The following ATRNL1 variants were observed in gnomAD, a reference collection of about 807,000 sequenced individuals.
The protein encoded by ATRNL1 is attractin-like protein 1.
ATRNL1 carries 95 observed loss-of-function variants against 182.7 expected under a neutral mutation model. The observed-to-expected ratio is 0.52, with a 90% CI of 0.44 to 0.62. The LOEUF (loss-of-function observed/expected upper bound fraction) is 0.62. Among genes scored for constraint, ATRNL1 ranks in the 20% least tolerant of loss-of-function variants. ATRNL1 has a pLI of 0.00. For synonymous variants in ATRNL1, 576 were observed against 568.3 expected (o/e 1.01, Z -0.19); for missense variants, 1,471 against 1,679.5 (o/e 0.88, Z 2.17).
chr10:115,761,695 C>A (rs1481337174), intron 27 of ATRNL1, among the ~76,000 whole-genome samples: 3 of 152,126 alleles, frequency 2.0e-5, no homozygotes, highest in African/African-American at 7.2e-5. Context: ...TTAGAATAAA[C>A]TTTGGAGTCA....
chr10:115,400,303 C>T (rs1473619593), intron 20 of ATRNL1, among the ~76,000 whole-genome samples: 1 of 151,966 alleles, frequency 6.6e-6, no homozygotes, highest in African/African-American at 2.4e-5. Flanking sequence ...GTGCTGTGGT[C>T]CAAGAGACTG....
At chr10:115,214,850 G>C (rs1206680983) in intron 8 of ATRNL1, among the ~76,000 whole-genome samples, 1 of 152,118 alleles carries the variant, frequency 6.6e-6, no homozygotes, top group East Asian at 1.9e-4. Flanking sequence ...ACAGCAAGCA[G>C]AGTGGGATTT....
intron 26 of ATRNL1, among the ~76,000 whole-genome samples, chr10:115,638,570 T>G (rs1012022527): frequency 3.3e-5 from 5 of 152,208 alleles, no homozygotes; most frequent in Non-Finnish European, 7.3e-5. Context: ...TAGTGACTGC[T>G]AATGGGTATG....
At chr10:115,134,767 A>G (rs1845425711) in intron 5 of ATRNL1, among the ~76,000 whole-genome samples, 1 of 152,224 alleles carries the variant, frequency 6.6e-6, no homozygotes, top group South Asian at 2.1e-4. Flanking sequence ...TCTGATGAAC[A>G]TCAATGCAAA....
At chr10:115,930,951 A>G (rs565646029) in intron 28 of ATRNL1, among the ~76,000 whole-genome samples, 62 of 152,344 alleles carry the variant, frequency 4.1e-4, no homozygotes, top group Non-Finnish European at 6.8e-4. Flanking sequence ...AAAGTGAAAT[A>G]GGGAAATAGG....
chr10:115,383,132 C>G (rs1319784545), intron 19 of ATRNL1, among the ~76,000 whole-genome samples: 2 of 138,186 alleles, frequency 1.4e-5, no homozygotes, highest in African/African-American at 5.2e-5. Context: ...TTTTTTCTCT[C>G]TCTACTGGTC....
chr10:115,529,328 CAT>C lies in ATRNL1; in HGVS notation c.3716+10007_3716+10008del, dbSNP rs377539863. On this transcript the variant is annotated intron_variant, in intron 25 of 28. Transcript: ENST00000355044. ...ATTAGAATTTGTCTATGTCTTTTTG[CAT>C]ATCTTTTAAAATTTTTTCTCTTGTT... Among the ~76,000 whole-genome samples the C allele has an allele frequency of 4.8e-3, 728 of 151,664 alleles. 7 individuals are homozygous for C. Among genetic ancestry groups the C allele is most frequent in the African/African-American group, 0.017 (693 of 41,452 alleles).
At chr10:115,650,911 T>C (rs1555034150) in intron 26 of ATRNL1, among the ~76,000 whole-genome samples, 1 of 152,134 alleles carries the variant, frequency 6.6e-6, no homozygotes, top group Non-Finnish European at 1.5e-5. Context: ...AGGAGGCTTT[T>C]TGTACCGATC....
Position 115,552,116 on chromosome 10 carries a change from C to T in ATRNL1, c.3795+2580C>T, listed in dbSNP as rs369222114. 2.6e-4 allele frequency among the ~76,000 whole-genome samples: 39 copies of T among 151,348 alleles called. 1 individual carries two copies. In the South Asian group the frequency reaches 7.9e-3, roughly 31 times the overall value. On this transcript the variant is annotated intron_variant, in intron 26 of 28. Coordinates refer to ENST00000355044, the MANE Select transcript of ATRNL1 (RefSeq NM_207303.4). ...TAGGCATCCTCTGGGTGTGTTGAAA[C>T]ATATTTAAAGGGGAACTACTGTGTT...
At chr10:115,630,645 TATATTTAA>T (rs1858424520) in intron 26 of ATRNL1, among the ~76,000 whole-genome samples, 1 of 149,560 alleles carries the variant, frequency 6.7e-6, no homozygotes, top group African/African-American at 2.4e-5. Flanking sequence ...AAGATTTATG[TATATTTAA>T]ATATTTAAAT....
chr10:115,308,083 A>C (rs973780664), intron 17 of ATRNL1, among the ~76,000 whole-genome samples: 1 of 152,198 alleles, frequency 6.6e-6, no homozygotes, highest in Non-Finnish European at 1.5e-5. Context: ...AATAGAAATT[A>C]AGGCAAACTT....
At chr10:115,584,045 G>C (rs546449981) in intron 26 of ATRNL1, among the ~76,000 whole-genome samples, 1 of 152,198 alleles carries the variant, frequency 6.6e-6, no homozygotes, top group Non-Finnish European at 1.5e-5. Context: ...TTATATGCTG[G>C]ATTACATTTA....
rs115522651 is a variant in ATRNL1 at position 115,302,034 on chromosome 10, A to C, written c.2809A>C (p.Thr937Pro). Residue 937 changes from threonine (T) to proline (P), a missense_variant, in exon 17 of 29, where the codon ACC (threonine) becomes CCC (proline). This residue lies in a region of ATRNL1 where 1,031 missense variants were observed against 1,156.0 expected (regional missense o/e 0.89). Transcript: ENST00000355044. The stretch of plus-strand genomic sequence containing the variant: ...ACAATGTCTAGAGTGGCAAACTGCC[A>C]CCTGCTCCCGTAAGTATTTATCTAG... The part of the protein sequence containing the change: ...YGQCLEWQTA[T>P]CSPQNCSGLR... 5.3e-4 allele frequency: 856 copies of C among 1,612,178 alleles called. No individual in the cohort carries two copies. Among genetic ancestry groups the C allele is most frequent in the Non-Finnish European group, 6.8e-4 (804 of 1,179,150 alleles).
At chr10:115,526,199 G>T (rs1294588605) in intron 25 of ATRNL1, among the ~76,000 whole-genome samples, 1 of 151,974 alleles carries the variant, frequency 6.6e-6, no homozygotes, top group Non-Finnish European at 1.5e-5. Context: ...CTGAACCATG[G>T]CCCTTTTTGC....
At chr10:115,529,531 T>C (rs983023522) in intron 25 of ATRNL1, among the ~76,000 whole-genome samples, 7 of 151,278 alleles carry the variant, frequency 4.6e-5, no homozygotes, top group Non-Finnish European at 1.0e-4. Context: ...GAGCTTCTAA[T>C]GTTCTTTTAT....
rs78033852 is a variant in ATRNL1, at chr10:115,853,475, C to T, written c.4018+5484C>T. On this transcript the variant is annotated intron_variant, in intron 28 of 28. Coordinates refer to ENST00000355044, the MANE Select transcript of ATRNL1 (RefSeq NM_207303.4). ...GGGTCTGCTGGCTCACAGTGTAGTA[C>T]TTTCTCCTCTGAACACAGTTTTTTA... Among the ~76,000 whole-genome samples the T allele has an allele frequency of 3.5e-3, 533 of 152,218 alleles. 3 individuals are homozygous for T. The highest frequency in any genetic ancestry group is 0.012 in the African/African-American group (511 of 41,532).
At chr10:115,758,275 T>C (rs1174953078) in intron 27 of ATRNL1, among the ~76,000 whole-genome samples, 4 of 152,136 alleles carry the variant, frequency 2.6e-5, no homozygotes, top group African/African-American at 4.8e-5. Context: ...CTTTTTGCAC[T>C]GGTTTCTCCC....
chr10:115,569,441 G>A (rs2804177), intron 26 of ATRNL1, among the ~76,000 whole-genome samples: 141,804 of 152,220 alleles, frequency 0.93, 66,427 homozygotes, highest in Non-Finnish European at 0.98. Flanking sequence ...ATTACCCTCT[G>A]TAGGGTTTTA....
chr10:115,488,359 T>G (rs948044871), intron 24 of ATRNL1, among the ~76,000 whole-genome samples: 1 of 152,182 alleles, frequency 6.6e-6, no homozygotes, highest in Non-Finnish European at 1.5e-5. Flanking sequence ...AGTGGACTTT[T>G]TTTGGTTGGT....
Sources: gnomAD v4.1 joint callset for allele counts (sites outside exome capture counted in the v4.1 genomes callset) on GRCh38, gnomAD v4.1.1 for gene constraint, gnomAD v4.1.1 regional missense constraint, MANE v1.5 for transcripts, NCBI Gene and HGNC (gene_info 2026-07-23, HGNC 2026-07-21) for gene names.